The following PPARGC1A variants were observed in gnomAD, a reference collection of about 807,000 sequenced individuals.
The protein encoded by PPARGC1A is PPARG coactivator 1 alpha.
In PPARGC1A, 25 loss-of-function variants were observed where a neutral mutation model predicts 88.7. The ratio of observed to expected loss-of-function variants is 0.28; its 90% CI spans 0.21 to 0.39. PPARGC1A has a LOEUF of 0.39. PPARGC1A is among the 10% of genes least tolerant of loss of function. The pLI is 1.00. For missense variants in PPARGC1A, 880 were observed against 968.7 expected, an observed-to-expected ratio of 0.91 and a Z score of 1.22; for synonymous variants, 363 against 355.6, an observed-to-expected ratio of 1.02 and a Z score of -0.24.
chr4:24,080,449 A>C, the PPARGC1A span, among the ~76,000 whole-genome samples: 7 of 152,032 alleles, frequency 4.6e-5, no homozygotes. Context: ...CAGTGTTTCT[A>C]AGAATCTTTG....
chr4:24,086,772 T>G, the PPARGC1A span, among the ~76,000 whole-genome samples: 13 of 152,206 alleles, frequency 8.5e-5, no homozygotes, highest in Admixed American at 5.9e-4. Context: ...TATTGTGCAT[T>G]TGATGGGTCA....
chr4:23,957,130 T>C, the PPARGC1A span, among the ~76,000 whole-genome samples: 2 of 152,084 alleles, frequency 1.3e-5, no homozygotes, highest in Non-Finnish European at 2.9e-5. Context: ...ACAGGCCATG[T>C]CATTTCCTGC....
the PPARGC1A span, among the ~76,000 whole-genome samples, chr4:24,459,520 G>A: frequency 6.6e-6 from 1 of 152,006 alleles, no homozygotes; most frequent in African/African-American, 2.4e-5. Flanking sequence ...GCCAGGTGCA[G>A]TGGTTCACTC....
At chr4:24,410,501 G>A in the PPARGC1A span, among the ~76,000 whole-genome samples, 1 of 152,164 alleles carries the variant, frequency 6.6e-6, no homozygotes, top group African/African-American at 2.4e-5. Flanking sequence ...ATTTATTAAT[G>A]CTTGTGATGT....
the PPARGC1A span, among the ~76,000 whole-genome samples, chr4:24,349,979 G>T: frequency 0.16 from 24,268 of 152,164 alleles, 2,041 homozygotes; most frequent in Non-Finnish European, 0.18. Context: ...AGGGCCTTTT[G>T]GCTGCTTCCT....
At chr4:23,964,752 C>A in the PPARGC1A span, among the ~76,000 whole-genome samples, 1 of 151,956 alleles carries the variant, frequency 6.6e-6, no homozygotes. Context: ...TGGAGGGGAA[C>A]CAACACTGGA....
chr4:24,128,575 TGTGTGC>T, the PPARGC1A span, among the ~76,000 whole-genome samples: 18 of 134,194 alleles, frequency 1.3e-4, no homozygotes, highest in African/African-American at 3.3e-4. Context: ...TGTGTGTGTG[TGTGTGC>T]ACGCGCATCT....
the PPARGC1A span, among the ~76,000 whole-genome samples, chr4:24,410,703 A>G: frequency 1.3e-5 from 2 of 152,192 alleles, no homozygotes; most frequent in Non-Finnish European, 2.9e-5. Flanking sequence ...AGAAGAACAC[A>G]GAAGGACTAG....
chr4:24,041,920 AAAAG>A, the PPARGC1A span, among the ~76,000 whole-genome samples: 2 of 152,070 alleles, frequency 1.3e-5, no homozygotes, highest in East Asian at 1.9e-4. Context: ...ACCAAAAAAA[AAAAG>A]AAAGAAAAGA....
At chr4:24,225,263 T>C in the PPARGC1A span, among the ~76,000 whole-genome samples, 51 of 152,174 alleles carry the variant, frequency 3.4e-4, no homozygotes, top group African/African-American at 1.2e-3. Flanking sequence ...ACAGCGATAA[T>C]TGAAATACAC....
At chr4:23,934,031 T>C in the PPARGC1A span, among the ~76,000 whole-genome samples, 1 of 152,176 alleles carries the variant, frequency 6.6e-6, no homozygotes, top group Non-Finnish European at 1.5e-5. Context: ...AGGTCTCACT[T>C]GATGCCCAAA....
At chr4:23,894,078 T>A (rs1253731913), upstream of PPARGC1A, among the ~76,000 whole-genome samples, 1 of 152,028 alleles carries the variant, frequency 6.6e-6, no homozygotes, top group Non-Finnish European at 1.5e-5. Flanking sequence ...TAAAGTTTCA[T>A]CCATAAGAAT....
At chr4:24,018,684 T>C in the PPARGC1A span, among the ~76,000 whole-genome samples, 3 of 152,236 alleles carry the variant, frequency 2.0e-5, no homozygotes, top group Non-Finnish European at 4.4e-5. Flanking sequence ...CTCTTGCTTA[T>C]GTTTTCTGAT....
chr4:24,250,032 G>A, the PPARGC1A span, among the ~76,000 whole-genome samples: 1 of 152,176 alleles, frequency 6.6e-6, no homozygotes, highest in African/African-American at 2.4e-5. Context: ...GGAACAGAGA[G>A]GCAAAAAGAA....
the PPARGC1A span, among the ~76,000 whole-genome samples, chr4:24,068,703 T>A: frequency 6.6e-6 from 1 of 152,182 alleles, no homozygotes; most frequent in East Asian, 1.9e-4. Context: ...TATGCAGTAA[T>A]GTTTACCTAG....
chr4:23,829,727 G>A (rs976624428), intron 3 of PPARGC1A, 142 bp from the exon 4 acceptor site: 29 of 730,726 alleles, frequency 4.0e-5, no homozygotes, highest in Admixed American at 2.4e-4. Flanking sequence ...ACACCTTAGC[G>A]CAATAGTGCT....
intron 11 of PPARGC1A, 68 bp from the exon 12 acceptor site, chr4:23,801,949 T>C: frequency 6.4e-7 from 1 of 1,574,780 alleles, no homozygotes; most frequent in South Asian, 1.1e-5. Context: ...TAACCCTTTC[T>C]ACTTTGTGAG....
chr4:24,208,403 C>T, the PPARGC1A span, among the ~76,000 whole-genome samples: 6 of 152,058 alleles, frequency 3.9e-5, no homozygotes, highest in South Asian at 8.3e-4. Context: ...TCATTCATTG[C>T]CCTGGCTGCA....
At chr4:24,095,826 G>A in the PPARGC1A span, among the ~76,000 whole-genome samples, 1 of 152,288 alleles carries the variant, frequency 6.6e-6, no homozygotes, top group East Asian at 1.9e-4. Context: ...TGGCAAAAGG[G>A]CAAGTGACTG....
Sources: gnomAD v4.1 joint callset for allele counts (sites outside exome capture counted in the v4.1 genomes callset) on GRCh38, gnomAD v4.1.1 for gene constraint, MANE v1.5 for transcripts, NCBI Gene and HGNC (gene_info 2026-07-23, HGNC 2026-07-21) for gene names.